The following SLC9A9 variants were observed in gnomAD, a reference collection of about 807,000 sequenced individuals.
SLC9A9 encodes sodium/hydrogen exchanger 9.
In SLC9A9, 62 loss-of-function variants were observed where a neutral mutation model predicts 77.8. The ratio of observed to expected loss-of-function variants is 0.80; its 90% CI spans 0.65 to 0.98. The LOEUF is 0.98. Among genes scored for constraint, SLC9A9 ranks in the 50% least tolerant of loss-of-function variants. The pLI is 0.00. For missense variants in SLC9A9, 775 were observed against 774.9 expected, an observed-to-expected ratio of 1.00 and a Z score of 0.00; for synonymous variants, 320 against 283.5, an observed-to-expected ratio of 1.13 and a Z score of -1.29.
chr3:143,749,929 C>G (rs1037392509), intron 4 of SLC9A9, among the ~76,000 whole-genome samples: 5 of 152,234 alleles, frequency 3.3e-5, no homozygotes, highest in South Asian at 2.1e-4. Flanking sequence ...TGATTAAACT[C>G]TACCAGTGAG....
chr3:143,506,286 T>C (rs903066936), intron 9 of SLC9A9, among the ~76,000 whole-genome samples: 13 of 152,214 alleles, frequency 8.5e-5, no homozygotes, highest in African/African-American at 3.1e-4. Context: ...TATATGCTTG[T>C]TGAGGGGCTG....
chr3:143,561,460 A>AAAC (rs138714197), intron 8 of SLC9A9, among the ~76,000 whole-genome samples: 2,939 of 152,292 alleles, frequency 0.019, 91 homozygotes, highest in African/African-American at 0.068. Flanking sequence ...AAAATGAAAA[A>AAAC]GTAGCCAAAA....
In SLC9A9 at chr3:143,573,138, A is replaced by T. The variant is rs1472123833; in HGVS notation, c.1000+950T>A. Reference sequence around the variant, plus strand: ...CACCTATGAAAGACAGCTGGCCAGCATCTGGCTCATGGTACACCCTCAATA... The same window carrying T: ...CACCTATGAAAGACAGCTGGCCAGCTTCTGGCTCATGGTACACCCTCAATA... On this transcript the variant is annotated intron_variant, in intron 8 of 15. Transcript: ENST00000316549. Among the ~76,000 whole-genome samples the T allele has an allele frequency of 2.0e-5, 3 of 152,330 alleles. No homozygotes were observed. In the East Asian group the frequency reaches 5.8e-4, roughly 29 times the overall value.
chr3:143,346,558 G>A (rs1559876939), intron 14 of SLC9A9, among the ~76,000 whole-genome samples: 2 of 151,824 alleles, frequency 1.3e-5, no homozygotes, highest in African/African-American at 2.4e-5. Context: ...AGGCTGAGTC[G>A]GGGGGGATCA....
At chr3:143,268,842 T>G in intron 15 of SLC9A9, 33 bp downstream of exon 15, 5 of 1,538,720 alleles carry the variant, frequency 3.2e-6, no homozygotes, top group Non-Finnish European at 4.5e-6. Context: ...ACAAGGGATA[T>G]TCCCTCACCC....
At chr3:143,600,031 AT>A (rs983388244) in intron 6 of SLC9A9, among the ~76,000 whole-genome samples, 2 of 151,814 alleles carry the variant, frequency 1.3e-5, no homozygotes, top group Non-Finnish European at 2.9e-5. Context: ...TAATTAAAAA[AT>A]TTTTTTTATA....
intron 4 of SLC9A9, among the ~76,000 whole-genome samples, chr3:143,740,554 TAATAA>T (rs764824608): frequency 2.0e-4 from 30 of 152,336 alleles, no homozygotes; most frequent in Non-Finnish European, 3.4e-4. Context: ...AATGCATATT[TAATAA>T]AATAAGTCCA....
intron 12 of SLC9A9, among the ~76,000 whole-genome samples, chr3:143,386,608 ATAT>A (rs1276948966): frequency 4.6e-5 from 7 of 152,304 alleles, no homozygotes; most frequent in African/African-American, 1.7e-4. Context: ...GCTATTATTG[ATAT>A]TATTATTTTT....
intron 13 of SLC9A9, among the ~76,000 whole-genome samples, chr3:143,367,266 G>A (rs1234686910): frequency 1.3e-5 from 2 of 152,122 alleles, no homozygotes; most frequent in African/African-American, 4.8e-5. Flanking sequence ...CATTTCATGT[G>A]GGTGACTGGA....
In SLC9A9 at chr3:143,296,533, A is replaced by G. The variant is rs190213630; in HGVS notation, c.1605-27553T>C. Among the ~76,000 whole-genome samples the G allele has an allele frequency of 2.3e-3, 349 of 152,310 alleles. 2 individuals are homozygous for G. The highest frequency in any genetic ancestry group is 2.3e-3 in the Non-Finnish European group (156 of 68,022). Reference sequence around the variant, plus strand: ...ATGCTGCAATGAACATGGGATGCAAATATCTTTTGGAAATTCTGCTTTCAA... The same window carrying G: ...ATGCTGCAATGAACATGGGATGCAAGTATCTTTTGGAAATTCTGCTTTCAA... On this transcript the variant is annotated intron_variant, in intron 14 of 15. Transcript: ENST00000316549.
At chr3:143,481,287 C>T (rs10513205) in intron 11 of SLC9A9, among the ~76,000 whole-genome samples, 66,865 of 151,828 alleles carry the variant, frequency 0.44, 15,239 homozygotes, top group East Asian at 0.65. Context: ...CAAACCCAGA[C>T]CAGAGAAGTT....
chr3:143,585,594 G>GT (rs1227471841), intron 6 of SLC9A9, among the ~76,000 whole-genome samples: 1 of 152,216 alleles, frequency 6.6e-6, no homozygotes, highest in East Asian at 1.9e-4. Context: ...TGTCACGGTT[G>GT]TGTCCTTAAC....
At chr3:143,491,016 G>A (rs147870135) in intron 11 of SLC9A9, among the ~76,000 whole-genome samples, 455 of 152,120 alleles carry the variant, frequency 3.0e-3, no homozygotes, top group South Asian at 6.0e-3. Flanking sequence ...AAAAGTGTAC[G>A]AAACAAAAAT....
At chr3:143,689,682 T>G (rs1471549324) in intron 5 of SLC9A9, among the ~76,000 whole-genome samples, 2 of 49,490 alleles carry the variant, frequency 4.0e-5, no homozygotes, top group Non-Finnish European at 9.1e-5. Context: ...AGGGTTGGGA[T>G]TTTAGGTGTG....
intron 12 of SLC9A9, among the ~76,000 whole-genome samples, chr3:143,448,265 A>G (rs756010835): frequency 1.1e-4 from 17 of 152,258 alleles, no homozygotes; most frequent in East Asian, 5.8e-4. Flanking sequence ...TGGCTCCAAG[A>G]AAAGAATGTG....
At chr3:143,808,840 A>G (rs919807965) in intron 2 of SLC9A9, among the ~76,000 whole-genome samples, 1 of 152,168 alleles carries the variant, frequency 6.6e-6, no homozygotes, top group African/African-American at 2.4e-5. Context: ...AAAGCCCTCA[A>G]AGCATTGCCT....
At chr3:143,610,888 T>C (rs1434717978) in intron 6 of SLC9A9, among the ~76,000 whole-genome samples, 2 of 152,162 alleles carry the variant, frequency 1.3e-5, no homozygotes, top group African/African-American at 4.8e-5. Context: ...TTGCCCCTGC[T>C]CCAGTCCCTC....
At chr3:143,574,045 CA>C in intron 8 of SLC9A9, 42 bp downstream of exon 8, 1 of 1,542,836 alleles carries the variant, frequency 6.5e-7, no homozygotes, top group Non-Finnish European at 9.0e-7. Flanking sequence ...GAGCCACACA[CA>C]TATTCACACA....
intron 13 of SLC9A9, chr3:143,381,512 T>C (rs139800868): frequency 6.3e-6 from 1 of 158,024 alleles, no homozygotes; most frequent in African/African-American, 2.4e-5. Context: ...ATCAGCATTA[T>C]GAAAATGAAC....
Sources: allele counts gnomAD v4.1 joint callset (sites outside exome capture counted in the v4.1 genomes callset), GRCh38; gene constraint gnomAD v4.1.1; transcripts MANE v1.5; gene names NCBI Gene and HGNC (gene_info 2026-07-23, HGNC 2026-07-21).